The following ZC3H12B variants were observed in gnomAD, a reference collection of about 807,000 sequenced individuals.
ZC3H12B encodes the protein probable ribonuclease ZC3H12B.
ZC3H12B carries 7 observed loss-of-function variants against 43.9 expected under a neutral mutation model. That is an observed-to-expected ratio of 0.16 (90% CI 0.09 to 0.30). The LOEUF is 0.30. Among genes scored for constraint, ZC3H12B ranks in the 10% least tolerant of loss-of-function variants. ZC3H12B has a pLI of 1.00. For missense variants in ZC3H12B, 475 were observed against 670.2 expected, an observed-to-expected ratio of 0.71 and a Z score of 3.22; for synonymous variants, 222 against 241.7, an observed-to-expected ratio of 0.92 and a Z score of 0.76.
chrX:65,280,336 G>C, the ZC3H12B span, among the ~76,000 whole-genome samples: 1 of 111,999 alleles, frequency 8.9e-6, no homozygotes, highest in African/African-American at 3.2e-5. Context: ...AAAGCTTTTG[G>C]TAAAATTCAT....
the ZC3H12B span, among the ~76,000 whole-genome samples, chrX:65,220,125 A>C: frequency 5.4e-5 from 6 of 111,900 alleles, no homozygotes; most frequent in African/African-American, 1.6e-4. Context: ...AAATGAAGGA[A>C]AGATACAGTC....
At chrX:65,359,676 G>A in the ZC3H12B span, among the ~76,000 whole-genome samples, 40 of 112,482 alleles carry the variant, frequency 3.6e-4, no homozygotes, top group Admixed American at 3.8e-3. Context: ...TGCTTTTTAT[G>A]TATGAGCAAA....
chrX:65,139,552 C>T, the ZC3H12B span, among the ~76,000 whole-genome samples: 1 of 111,209 alleles, frequency 9.0e-6, no homozygotes, highest in African/African-American at 3.3e-5. Context: ...GCTTAACATT[C>T]GTTTGGGTGT....
At chrX:65,284,562 G>A in the ZC3H12B span, among the ~76,000 whole-genome samples, 563 of 111,608 alleles carry the variant, frequency 5.0e-3, 2 homozygotes, top group African/African-American at 0.016. Flanking sequence ...AGGTGTTCCA[G>A]AACAGCCTGG....
the ZC3H12B span, among the ~76,000 whole-genome samples, chrX:65,189,915 G>A: frequency 1.9e-5 from 2 of 107,978 alleles, no homozygotes; most frequent in African/African-American, 7.2e-5. Context: ...TTCTTCTAGG[G>A]TTTTTATGGT....
At chrX:65,098,961 C>T in the ZC3H12B span, among the ~76,000 whole-genome samples, 1 of 111,424 alleles carries the variant, frequency 9.0e-6, no homozygotes, top group Non-Finnish European at 1.9e-5. Flanking sequence ...CCAAAGAGCC[C>T]AGCAAGCTAA....
the ZC3H12B span, among the ~76,000 whole-genome samples, chrX:65,296,309 G>A: frequency 1.8e-5 from 2 of 110,934 alleles, no homozygotes; most frequent in Non-Finnish European, 3.8e-5. Flanking sequence ...TAAGCTATGA[G>A]GAAGCAAAGA....
At chrX:65,455,133 C>T (rs2067588298) in intron 3 of ZC3H12B, among the ~76,000 whole-genome samples, 1 of 112,447 alleles carries the variant, frequency 8.9e-6, no homozygotes, top group Non-Finnish European at 1.9e-5. Flanking sequence ...TGGAGAATTA[C>T]TTTGACAAGT....
the ZC3H12B span, among the ~76,000 whole-genome samples, chrX:65,125,083 G>A: frequency 9.0e-6 from 1 of 110,644 alleles, no homozygotes; most frequent in South Asian, 3.7e-4. Flanking sequence ...TAGATTGTTT[G>A]TTTGTGCTCT....
intron 3 of ZC3H12B, among the ~76,000 whole-genome samples, chrX:65,465,704 G>C (rs1317797269): frequency 9.1e-6 from 1 of 110,333 alleles, no homozygotes; most frequent in Non-Finnish European, 1.9e-5. Context: ...GCCTTATTTT[G>C]TGTTGAATAG....
chrX:65,076,378 ATTC>A, the ZC3H12B span, among the ~76,000 whole-genome samples: 2 of 110,853 alleles, frequency 1.8e-5, no homozygotes, highest in Non-Finnish European at 3.8e-5. Flanking sequence ...GCCTCAAGCA[ATTC>A]TTCCACCTCA....
At chrX:65,185,968 G>A in the ZC3H12B span, 75 of 111,426 alleles carry the variant, frequency 6.7e-4, no homozygotes, top group African/African-American at 2.3e-3. Context: ...ATTAGCAAGT[G>A]CACCTAAACA....
the ZC3H12B span, among the ~76,000 whole-genome samples, chrX:65,159,675 A>G: frequency 2.7e-5 from 3 of 111,730 alleles, no homozygotes; most frequent in Admixed American, 9.6e-5. Context: ...GAGACAATGG[A>G]GTTTTCTAGA....
intron 3 of ZC3H12B, among the ~76,000 whole-genome samples, chrX:65,464,563 A>T (rs2067793691): frequency 9.0e-6 from 1 of 110,632 alleles, no homozygotes. Context: ...TGATCTTGTC[A>T]AACAAACTAC....
At chrX:65,102,206 C>T in the ZC3H12B span, among the ~76,000 whole-genome samples, 1 of 111,639 alleles carries the variant, frequency 9.0e-6, no homozygotes, top group Admixed American at 9.5e-5. Flanking sequence ...AAAAACTCTC[C>T]ATAAACTAGG....
At chrX:65,152,997 TAATA>T in the ZC3H12B span, among the ~76,000 whole-genome samples, 1 of 111,972 alleles carries the variant, frequency 8.9e-6, no homozygotes. Flanking sequence ...ATTCCCTATT[TAATA>T]AATGGTGCTG....
At chrX:65,379,346 G>A (rs983400205) in intron 2 of ZC3H12B, among the ~76,000 whole-genome samples, 1 of 111,608 alleles carries the variant, frequency 9.0e-6, no homozygotes, top group Non-Finnish European at 1.9e-5. Flanking sequence ...AGCAAGGGCA[G>A]ACGGACACCT....
At chrX:65,164,228 G>T in the ZC3H12B span, among the ~76,000 whole-genome samples, 1 of 111,317 alleles carries the variant, frequency 9.0e-6, no homozygotes, top group South Asian at 3.8e-4. Flanking sequence ...GATTGGTTGG[G>T]TTGGGAATGA....
the ZC3H12B span, among the ~76,000 whole-genome samples, chrX:65,080,303 G>A: frequency 9.1e-6 from 1 of 109,496 alleles, no homozygotes; most frequent in South Asian, 3.9e-4. Context: ...GATAGGGGTA[G>A]AAAGTTTATT....
Sources: gnomAD v4.1 joint callset for allele counts (sites outside exome capture counted in the v4.1 genomes callset) on GRCh38, gnomAD v4.1.1 for gene constraint, MANE v1.5 for transcripts, NCBI Gene and HGNC (gene_info 2026-07-23, HGNC 2026-07-21) for gene names.